EED: variants seen among roughly 807,000 people sequenced by gnomAD.
The protein encoded by EED is polycomb protein EED.
A neutral mutation model predicts 61.0 loss-of-function variants in EED; 9 were observed. That is an observed-to-expected ratio of 0.15 (90% CI 0.09 to 0.26). The LOEUF is 0.26. Among genes scored for constraint, EED ranks in the 10% least tolerant of loss-of-function variants. The pLI, the probability that EED is intolerant of heterozygous loss-of-function variation, is 1.00. For synonymous variants in EED, 187 were observed against 174.4 expected, an observed-to-expected ratio of 1.07 and a Z score of -0.57; for missense variants, 315 against 542.3, an observed-to-expected ratio of 0.58 and a Z score of 4.16.
At chr11:86,270,874 A>T (rs953188301) in intron 9 of EED, among the ~76,000 whole-genome samples, 3 of 152,144 alleles carry the variant, frequency 2.0e-5, no homozygotes, top group Non-Finnish European at 2.9e-5. Context: ...TTTCATCTGT[A>T]TATCTGTCCC....
chr11:86,287,287 C>T, the EED span, among the ~76,000 whole-genome samples: 1 of 152,136 alleles, frequency 6.6e-6, no homozygotes, highest in Non-Finnish European at 1.5e-5. Context: ...TAAATGGCCT[C>T]TCTTTAACCA....
chr11:86,281,792 G>A (rs1332495826), downstream of EED, among the ~76,000 whole-genome samples: 2 of 152,144 alleles, frequency 1.3e-5, no homozygotes, highest in Non-Finnish European at 2.9e-5. Flanking sequence ...AAGTAGCTAC[G>A]ACTGTAGGCA....
chr11:86,265,186 A>G (rs113980455), intron 7 of EED: 5 of 152,350 alleles, frequency 3.3e-5, no homozygotes, highest in African/African-American at 1.2e-4. Context: ...TAGAAGTACC[A>G]CAACTGTGAA....
intron 6 of EED, among the ~76,000 whole-genome samples, chr11:86,262,091 A>G (rs1294125943): frequency 6.6e-6 from 1 of 152,212 alleles, no homozygotes. Flanking sequence ...TATGTTGCCC[A>G]GGCTGGTCTT....
chr11:86,254,323 GTTT>G, intron 3 of EED, among the ~76,000 whole-genome samples: 1 of 139,800 alleles, frequency 7.2e-6, no homozygotes, highest in Non-Finnish European at 1.6e-5. Flanking sequence ...ATTTTTTATG[GTTT>G]TTTTTTTTTT....
chr11:86,266,497 T>G (rs186659843), intron 8 of EED, among the ~76,000 whole-genome samples: 2 of 152,150 alleles, frequency 1.3e-5, no homozygotes, highest in African/African-American at 4.8e-5. Context: ...CTTGGCCTTT[T>G]AAGTTATAAA....
chr11:86,257,655 C>T lies in EED; in HGVS notation c.634+59C>T, dbSNP rs1014674059. The T allele has an allele frequency of 6.4e-6, 9 of 1,403,782 alleles. No homozygotes were observed. In the South Asian group the frequency reaches 1.0e-4, roughly 16 times the overall value. 87.0% of individuals were successfully genotyped at this position (1,403,782 alleles called of 1,614,324 possible). On this transcript the variant is annotated intron_variant, in intron 6 of 11. Transcript: ENST00000263360. The stretch of plus-strand genomic sequence containing the variant: ...ATTTGTCAGAATTAAGATGGAGTCA[C>T]TAATGTCAAGAAAACCCTGACAAAT...
rs148058111 is a variant in EED at position 86,245,579 on chromosome 11, C to G, written c.114+236C>G. 3.3e-5 allele frequency among the ~76,000 whole-genome samples: 5 copies of G among 151,846 alleles called. No homozygotes were observed. In the East Asian group the frequency reaches 9.8e-4, roughly 30 times the overall value. ...TAGTGATTGCGTGGGTCTGAGAAGT[C>G]TGCCCTGAAATCAGTTTGCATGTGA... is the stretch of plus-strand genomic sequence containing the variant. On this transcript the variant is annotated intron_variant, in intron 1 of 11. Coordinates refer to ENST00000263360, the MANE Select transcript of EED (RefSeq NM_003797.5).
intron 5 of EED, 84 bp downstream of exon 5, chr11:86,256,596 G>T: frequency 1.6e-6 from 2 of 1,282,128 alleles, no homozygotes; most frequent in South Asian, 2.1e-5. Flanking sequence ...TAAAACTAAT[G>T]GTATGAATGT....
rs897916992 is a variant in EED at position 86,245,104 on chromosome 11, G to T, written c.-126G>T. On this transcript the variant is annotated 5_prime_UTR_variant, in exon 1 of 12. Coordinates refer to ENST00000263360, the MANE Select transcript of EED (RefSeq NM_003797.5). The stretch of plus-strand genomic sequence containing the variant: ...GCGGCTGGGCGCGATTTGCGACAGT[G>T]GGGGGGGCGGTGGAGGTGGCGGCGG... 2.7e-5 allele frequency: 18 copies of T among 655,694 alleles called. No homozygotes were observed. The highest frequency in any genetic ancestry group is 6.5e-5 in the East Asian group (2 of 30,562). 40.6% of individuals were successfully genotyped at this position (655,694 alleles called of 1,614,324 possible). A position where few individuals can be genotyped will look rare whatever the true frequency, so the allele number is the denominator to read the frequency against.
intron 1 of EED, among the ~76,000 whole-genome samples, chr11:86,249,442 T>C (rs1352916529): frequency 6.6e-6 from 1 of 151,422 alleles, no homozygotes; most frequent in African/African-American, 2.4e-5. Context: ...CCTAAGATCC[T>C]AGATTAAATA....
chr11:86,275,403 G>A (rs912353369), intron 9 of EED, among the ~76,000 whole-genome samples: 3 of 152,192 alleles, frequency 2.0e-5, no homozygotes, highest in Non-Finnish European at 4.4e-5. Context: ...ATCTGGCTCT[G>A]CATCGGACTC....
In EED at chr11:86,249,347, A is replaced by C. The variant is rs373249491; in HGVS notation, c.115-949A>C. Among the ~76,000 whole-genome samples the C allele has an allele frequency of 4.6e-5, 7 of 150,630 alleles. No individual in the cohort carries two copies. The South Asian group carries it at 6.3e-4, about 14-fold the overall frequency. ...ATAATTTAAAAATAGCCCCTAAAGCAGTGTTTCCTAGGCTGTTTAATAGGC... is the reference window on the plus strand; with the variant it reads ...ATAATTTAAAAATAGCCCCTAAAGCCGTGTTTCCTAGGCTGTTTAATAGGC... On this transcript the variant is annotated intron_variant, in intron 1 of 11. Coordinates refer to ENST00000263360, the MANE Select transcript of EED (RefSeq NM_003797.5).
intron 8 of EED, among the ~76,000 whole-genome samples, chr11:86,266,420 C>G (rs561058652): frequency 6.6e-6 from 1 of 152,060 alleles, no homozygotes; most frequent in Non-Finnish European, 1.5e-5. Flanking sequence ...TCAAAATCCC[C>G]TTTAAATTGT....
intron 11 of EED, 129 bp from the exon 12 acceptor site, chr11:86,278,270 A>C (rs913544172): frequency 1.4e-6 from 2 of 1,418,762 alleles, no homozygotes; most frequent in Non-Finnish European, 1.8e-6. Flanking sequence ...CTCTTAGTGA[A>C]GTATATTCTG....
intron 6 of EED, 158 bp from the exon 7 acceptor site, chr11:86,264,014 T>A (rs1945910936): frequency 3.5e-6 from 2 of 579,656 alleles, no homozygotes; most frequent in Non-Finnish European, 6.1e-6. Context: ...ATTCTACATC[T>A]GATGTAAACA....
chr11:86,255,008 C>T (rs751620165), intron 3 of EED, among the ~76,000 whole-genome samples: 4 of 152,132 alleles, frequency 2.6e-5, no homozygotes, highest in African/African-American at 4.8e-5. Flanking sequence ...GATTGGAAAT[C>T]GAAACGACTA....
At chr11:86,253,673 T>C (rs1239889423) in intron 3 of EED, among the ~76,000 whole-genome samples, 1 of 152,204 alleles carries the variant, frequency 6.6e-6, no homozygotes, top group East Asian at 1.9e-4. Context: ...TAGGTTGTGA[T>C]GATACACAGG....
Position 86,255,821 on chromosome 11 carries a change from C to T in EED, c.426+534C>T, listed in dbSNP as rs576654894. On this transcript the variant is annotated intron_variant, in intron 4 of 11. Coordinates refer to ENST00000263360, the MANE Select transcript of EED (RefSeq NM_003797.5). ...AAGAAACAGAAAAATTTGAAAAGCC[C>T]GAGTTAGAGCGGTAAAAGCTAAGTA... Among the ~76,000 whole-genome samples, 18 of 151,834 alleles carry T rather than the reference C, an allele frequency of 1.2e-4. No homozygotes were observed. The South Asian group carries it at 1.9e-3, about 16-fold the overall frequency.
Sources: allele counts gnomAD v4.1 joint callset (sites outside exome capture counted in the v4.1 genomes callset), GRCh38; gene constraint gnomAD v4.1.1; transcripts MANE v1.5; gene names NCBI Gene and HGNC (gene_info 2026-07-23, HGNC 2026-07-21).